The following CHST7 variants were observed in gnomAD, a reference collection of about 807,000 sequenced individuals.
CHST7 encodes the protein N-acetylglucosamine 6-O-sulfotransferase 4.
CHST7 carries 5 observed loss-of-function variants against 9.0 expected under a neutral mutation model. The observed-to-expected ratio is 0.56, with a 90% CI of 0.29 to 1.17. The LOEUF (loss-of-function observed/expected upper bound fraction) is 1.17, where lower values mean the gene tolerates loss of function less well. Ranked by LOEUF, CHST7 falls within the 50% of genes most tolerant of loss-of-function variation. The pLI is 0.08. For missense variants in CHST7, 377 were observed against 485.1 expected (o/e 0.78, Z 2.09); for synonymous variants, 244 against 237.1 (o/e 1.03, Z -0.27).
At chrX:46,593,684 C>T (rs1310177918) in intron 1 of CHST7, among the ~76,000 whole-genome samples, 3 of 110,944 alleles carry the variant, frequency 2.7e-5, no homozygotes, top group African/African-American at 9.8e-5. Flanking sequence ...TTGTTTGTTC[C>T]CTCTGTTTTT....
chrX:46,587,985 C>A (rs1421237922), intron 1 of CHST7, among the ~76,000 whole-genome samples: 2 of 111,805 alleles, frequency 1.8e-5, no homozygotes, highest in African/African-American at 6.5e-5. Flanking sequence ...TTACAATAGG[C>A]TGGAAAGTCA....
chrX:46,583,157 C>T (rs1266800632), intron 1 of CHST7, among the ~76,000 whole-genome samples: 3 of 111,659 alleles, frequency 2.7e-5, no homozygotes, highest in East Asian at 5.6e-4. Flanking sequence ...TTGTGTCTGA[C>T]GTTCCAGTTG....
intron 1 of CHST7, among the ~76,000 whole-genome samples, chrX:46,590,348 G>A (rs970990549): frequency 1.0e-4 from 11 of 110,340 alleles, no homozygotes; most frequent in Admixed American, 6.8e-4. Flanking sequence ...AAGTCAAGGC[G>A]GGAGGATTAC....
intron 1 of CHST7, among the ~76,000 whole-genome samples, chrX:46,595,434 A>G (rs1942589338): frequency 8.9e-6 from 1 of 112,507 alleles, no homozygotes; most frequent in South Asian, 3.6e-4. Context: ...GGTTACTGCC[A>G]GGTCAAGGTG....
Position 46,575,422 on chromosome X carries a change from G to A in CHST7, c.*30G>A, listed in dbSNP as rs760200031. 3.9e-6 allele frequency: 4 copies of A among 1,016,912 alleles called. No homozygotes were observed. Among genetic ancestry groups the A allele is most frequent in the Non-Finnish European group, 3.7e-6 (3 of 803,770 alleles). The allele number at this position is 1,016,912 out of a possible 1,213,427, so 83.8% of individuals were successfully genotyped here. The stretch of plus-strand genomic sequence containing the variant: ...CCATCCCTGTCCCCGGCACGGATCC[G>A]GGTAAGGTGGCCCGGGGCAAGGCAG... On this transcript the variant is annotated splice_region_variant and 3_prime_UTR_variant, in exon 1 of 2. Coordinates refer to ENST00000276055, the MANE Select transcript of CHST7 (RefSeq NM_019886.4).
In CHST7 at chrX:46,574,854, G is replaced by C; in HGVS notation, c.923G>C (p.Gly308Ala). 1 of 1,180,076 alleles carries C rather than the reference G, an allele frequency of 8.5e-7. No homozygotes were observed. Among genetic ancestry groups the C allele is most frequent in the Non-Finnish European group, 1.1e-6 (1 of 880,425 alleles). The change falls in exon 1 of 2, where the codon GGC becomes GCC. Residue 308 changes from glycine (G) to alanine (A), a missense_variant. By Grantham distance (60) the Gly-to-Ala change is moderately conservative. Coordinates refer to ENST00000276055, the MANE Select transcript of CHST7 (RefSeq NM_019886.4). ...SIQVLRTRQR[G>A]DRFHRVLLAH... Reference sequence around the variant, plus strand: ...CAGGTGCTGCGCACCCGCCAGAGGGGCGACCGCTTCCACCGTGTGCTGCTG... The same window carrying C: ...CAGGTGCTGCGCACCCGCCAGAGGGCCGACCGCTTCCACCGTGTGCTGCTG...
chrX:46,593,595 T>G (rs1378785032), intron 1 of CHST7, among the ~76,000 whole-genome samples: 1 of 112,184 alleles, frequency 8.9e-6, no homozygotes, highest in Non-Finnish European at 1.9e-5. Context: ...TAAATCCATT[T>G]TGCCAATCTC....
intron 1 of CHST7, among the ~76,000 whole-genome samples, chrX:46,597,506 C>G (rs1440121091): frequency 8.9e-6 from 1 of 112,153 alleles, no homozygotes; most frequent in South Asian, 3.7e-4. Context: ...ACAACAGCAG[C>G]TGCAGAAAGC....
At chrX:46,590,823 C>T (rs1269177195) in intron 1 of CHST7, among the ~76,000 whole-genome samples, 1 of 112,072 alleles carries the variant, frequency 8.9e-6, no homozygotes, top group Admixed American at 9.5e-5. Context: ...TCTTGTGCTA[C>T]CCTCATTATC....
chrX:46,580,684 C>T lies in CHST7; in HGVS notation c.*31+5261C>T, dbSNP rs188343539. 7.2e-5 allele frequency among the ~76,000 whole-genome samples: 8 copies of T among 111,642 alleles called. No homozygotes were observed. In the East Asian group the frequency reaches 1.4e-3, roughly 20 times the overall value. On this transcript the variant is annotated intron_variant, in intron 1 of 1. Transcript: ENST00000276055. ...GGCAGGACCCCTCAGCTGATGGATA[C>T]GGTGTTAAGGAAAAGTCAAGACTTG...
At chrX:46,591,548 T>G (rs1196656400) in intron 1 of CHST7, among the ~76,000 whole-genome samples, 2 of 109,667 alleles carry the variant, frequency 1.8e-5, no homozygotes, top group African/African-American at 6.7e-5. Context: ...CTAGTTTTTG[T>G]ATTTTTAGTA....
intron 1 of CHST7, 80 bp downstream of exon 1, chrX:46,575,503 G>T (rs758048006): frequency 4.8e-6 from 4 of 825,958 alleles, no homozygotes; most frequent in East Asian, 8.5e-5. Flanking sequence ...GGAAGTGTAG[G>T]GGGGAGGGTA....
chrX:46,575,503 G>C (rs758048006), intron 1 of CHST7, 80 bp downstream of exon 1: 26 of 825,905 alleles, frequency 3.1e-5, no homozygotes, highest in African/African-American at 1.7e-4. Context: ...GGAAGTGTAG[G>C]GGGGAGGGTA....
chrX:46,588,069 A>G (rs952190379), intron 1 of CHST7, among the ~76,000 whole-genome samples: 1 of 111,755 alleles, frequency 8.9e-6, no homozygotes, highest in Non-Finnish European at 1.9e-5. Flanking sequence ...GCCAGCACCA[A>G]CTTTTAGCAT....
At position 46,575,074 on chromosome X, in the gene CHST7, G is replaced by C; in HGVS notation, c.1143G>C (p.Gln381His). 1.8e-6 allele frequency: 2 copies of C among 1,126,717 alleles called. No homozygotes were observed. The highest frequency in any genetic ancestry group is 2.3e-6 in the Non-Finnish European group (2 of 862,163). 92.9% of individuals were successfully genotyped at this position (1,126,717 alleles called of 1,213,427 possible). ...TGCGCTATGAGGACCTGGTGCGGCA[G>C]CCACGCGCCCAGCTGCGCCGCCTGC... is the stretch of plus-strand genomic sequence containing the variant. ...LRLRYEDLVRQPRAQLRRLLR... is the reference protein window; with the variant it reads ...LRLRYEDLVRHPRAQLRRLLR... Residue 381 changes from glutamine (Q) to histidine (H), a missense_variant, in exon 1 of 2, where the codon CAG becomes CAC. Gln to His is a conservative substitution (Grantham distance 24, BLOSUM62 0). This residue lies in a region of CHST7 where 130 missense variants were observed against 134.9 expected (regional missense o/e 0.96). Coordinates refer to ENST00000276055, the MANE Select transcript of CHST7 (RefSeq NM_019886.4).
intron 1 of CHST7, among the ~76,000 whole-genome samples, chrX:46,587,617 T>A (rs184132490): frequency 5.3e-4 from 59 of 112,046 alleles, no homozygotes; most frequent in Non-Finnish European, 1.0e-3. Context: ...TCCTATTACA[T>A]TTTGCTTTGG....
intron 1 of CHST7, among the ~76,000 whole-genome samples, chrX:46,589,037 GA>G (rs1393311120): frequency 1.8e-5 from 2 of 111,373 alleles, no homozygotes; most frequent in Non-Finnish European, 3.8e-5. Context: ...TGGGCAAGTG[GA>G]AACAGTTGTA....
At chrX:46,588,067 C>T (rs1942557528) in intron 1 of CHST7, among the ~76,000 whole-genome samples, 1 of 111,772 alleles carries the variant, frequency 8.9e-6, no homozygotes, top group African/African-American at 3.3e-5. Context: ...GCGCCAGCAC[C>T]AACTTTTAGC....
intron 1 of CHST7, among the ~76,000 whole-genome samples, chrX:46,578,269 CTTTTTTTTTTT>C (rs3071957): frequency 7.8e-5 from 4 of 51,338 alleles, no homozygotes; most frequent in African/African-American, 9.7e-5. Context: ...CTGCCATGCT[CTTTTTTTTTTT>C]TTTTTTTTTT....
Sources: gnomAD v4.1 joint callset for allele counts (sites outside exome capture counted in the v4.1 genomes callset) on GRCh38, gnomAD v4.1.1 for gene constraint, gnomAD v4.1.1 regional missense constraint, MANE v1.5 for transcripts, NCBI Gene and HGNC (gene_info 2026-07-23, HGNC 2026-07-21) for gene names.